The following DDC variants were observed in gnomAD, a reference collection of about 807,000 sequenced individuals.
DDC encodes the protein dopa decarboxylase.
A neutral mutation model predicts 60.0 loss-of-function variants in DDC; 43 were observed. The ratio of observed to expected loss-of-function variants is 0.72; its 90% CI spans 0.56 to 0.92. The LOEUF is 0.92. DDC is among the 40% of genes least tolerant of loss of function. The pLI is 0.00. For missense variants in DDC, 573 were observed against 620.2 expected (o/e 0.92, Z 0.81); for synonymous variants, 232 against 234.6 (o/e 0.99, Z 0.10).
intron 1 of DDC, among the ~76,000 whole-genome samples, chr7:50,557,530 T>C (rs774476703): frequency 6.6e-6 from 1 of 152,224 alleles, no homozygotes; most frequent in Non-Finnish European, 1.5e-5. Flanking sequence ...GATCCTTTTT[T>C]CACTTGACAT....
At chr7:50,560,473 C>G (rs2045317366) in intron 1 of DDC, among the ~76,000 whole-genome samples, 1 of 152,144 alleles carries the variant, frequency 6.6e-6, no homozygotes. Flanking sequence ...TTTATAAAAT[C>G]AAACCTGGTT....
intron 6 of DDC, among the ~76,000 whole-genome samples, chr7:50,508,374 C>T (rs1241403194): frequency 6.6e-6 from 1 of 152,236 alleles, no homozygotes; most frequent in Non-Finnish European, 1.5e-5. Flanking sequence ...AGGCCTCCAT[C>T]TCAAAGAGCC....
intron 6 of DDC, among the ~76,000 whole-genome samples, chr7:50,517,984 C>T (rs775738332): frequency 1.3e-4 from 20 of 151,908 alleles, no homozygotes; most frequent in Middle Eastern, 6.8e-3. Context: ...CTGAGATGGG[C>T]GGATCACAAG....
chr7:50,510,701 G>T (rs1287495154), intron 6 of DDC, among the ~76,000 whole-genome samples: 11 of 149,374 alleles, frequency 7.4e-5, no homozygotes, highest in Admixed American at 6.7e-4. Flanking sequence ...AAGTAAGATG[G>T]CAGGGCACGG....
chr7:50,506,030 G>A (rs1436006162), intron 6 of DDC, among the ~76,000 whole-genome samples: 1 of 152,224 alleles, frequency 6.6e-6, no homozygotes, highest in Non-Finnish European at 1.5e-5. Flanking sequence ...GAAAAACAGC[G>A]GCAAGGGCCT....
chr7:50,475,597 T>C (rs865962143), intron 11 of DDC, among the ~76,000 whole-genome samples: 6 of 152,286 alleles, frequency 3.9e-5, no homozygotes, highest in Middle Eastern at 3.4e-3. Flanking sequence ...CTGCTGACAA[T>C]GTTTGCTCCA....
intron 14 of DDC, among the ~76,000 whole-genome samples, chr7:50,460,613 G>T (rs2042251444): frequency 6.6e-6 from 1 of 151,626 alleles, no homozygotes; most frequent in Non-Finnish European, 1.5e-5. Flanking sequence ...AGAAAGGGGG[G>T]AAAGGCGGGG....
intron 9 of DDC, chr7:50,492,827 G>T (rs1012448910): frequency 1.3e-6 from 2 of 1,521,702 alleles, no homozygotes; most frequent in African/African-American, 2.7e-5. Flanking sequence ...AGAGTTGTCC[G>T]GGAGAGATGA....
intron 11 of DDC, among the ~76,000 whole-genome samples, chr7:50,472,285 T>C (rs1562984796): frequency 6.6e-6 from 1 of 152,184 alleles, no homozygotes. Context: ...TTGTGGAAGA[T>C]TGTTGATGGA....
chr7:50,465,444 C>T (rs1056382054), intron 13 of DDC, among the ~76,000 whole-genome samples: 1 of 126,792 alleles, frequency 7.9e-6, no homozygotes, highest in Admixed American at 8.4e-5. Context: ...AATCTCAGCT[C>T]ACTGCAACCT....
intron 6 of DDC, among the ~76,000 whole-genome samples, chr7:50,524,156 A>C (rs540078559): frequency 1.3e-5 from 2 of 152,366 alleles, no homozygotes; most frequent in Non-Finnish European, 2.9e-5. Context: ...CAGTGGTTCA[A>C]GTGGAGGGAG....
chr7:50,540,179 T>C, intron 2 of DDC, 151 bp from the exon 3 acceptor site: 1 of 685,680 alleles, frequency 1.5e-6, no homozygotes, highest in Non-Finnish European at 2.7e-6. Context: ...AGCCATCCCA[T>C]TACCTTCCTC....
chr7:50,530,798 G>T (rs918406271), intron 4 of DDC, among the ~76,000 whole-genome samples: 29 of 152,162 alleles, frequency 1.9e-4, no homozygotes, highest in Non-Finnish European at 1.6e-4. Context: ...GTAGGTTCTT[G>T]TTGACTCTGA....
chr7:50,527,987 C>G, intron 6 of DDC, 150 bp downstream of exon 6: 1 of 836,390 alleles, frequency 1.2e-6, no homozygotes, highest in Non-Finnish European at 1.8e-6. Flanking sequence ...ACCTCCGCCT[C>G]CCGGGTTCAC....
rs184452892 is a variant in DDC at position 50,558,116 on chromosome 7, A to G, written c.-29+7169T>C. ...AAATTTTTTCCCTTATTTTTTCTCA[A>G]TTCTTTCCCCCTTTCTCTTGCAGTC... On this transcript the variant is annotated intron_variant, in intron 1 of 14. Transcript: ENST00000444124. 3.8e-3 allele frequency among the ~76,000 whole-genome samples: 562 copies of G among 148,762 alleles called. 3 individuals carry two copies. Among genetic ancestry groups the G allele is most frequent in the African/African-American group, 0.014 (543 of 39,928 alleles).
intron 7 of DDC, among the ~76,000 whole-genome samples, chr7:50,501,119 G>A (rs1275965059): frequency 2.0e-5 from 3 of 152,150 alleles, no homozygotes; most frequent in Non-Finnish European, 4.4e-5. Flanking sequence ...TGCCTCAGTG[G>A]GGAGGGATGG....
chr7:50,469,255 TAA>T (rs755613984), intron 12 of DDC, among the ~76,000 whole-genome samples: 12,200 of 56,504 alleles, frequency 0.22, 774 homozygotes, highest in Admixed American at 0.32. Context: ...ATTGTTATTT[TAA>T]AAAAAAAAAA....
intron 6 of DDC, among the ~76,000 whole-genome samples, chr7:50,518,160 C>T (rs1011813293): frequency 2.7e-5 from 4 of 147,812 alleles, no homozygotes; most frequent in Non-Finnish European, 4.4e-5. Flanking sequence ...TGCAGTGAGC[C>T]AAGATCATGC....
chr7:50,505,529 G>A (rs1399432320), intron 6 of DDC, among the ~76,000 whole-genome samples: 2 of 152,316 alleles, frequency 1.3e-5, no homozygotes, highest in Middle Eastern at 3.4e-3. Context: ...CGAGACCTTT[G>A]TGGCTCCATT....
Sources: gnomAD v4.1 joint callset for allele counts (sites outside exome capture counted in the v4.1 genomes callset) on GRCh38, gnomAD v4.1.1 for gene constraint, MANE v1.5 for transcripts, NCBI Gene and HGNC (gene_info 2026-07-23, HGNC 2026-07-21) for gene names.